Variants in CDK19 observed in about 807,000 individuals in gnomAD.
The protein encoded by CDK19 is cyclin-dependent kinase 19.
CDK19 carries 20 observed loss-of-function variants against 68.3 expected under a neutral mutation model. The ratio of observed to expected loss-of-function variants is 0.29; its 90% CI spans 0.21 to 0.43. The LOEUF is 0.43. CDK19 is among the 20% of genes least tolerant of loss of function. CDK19 has a pLI of 1.00. For missense variants in CDK19, 339 were observed against 623.5 expected, an observed-to-expected ratio of 0.54 and a Z score of 4.86; for synonymous variants, 221 against 222.8, an observed-to-expected ratio of 0.99 and a Z score of 0.07.
chr6:110,802,059 G>T (rs1397402017), intron 1 of CDK19, among the ~76,000 whole-genome samples: 1 of 152,184 alleles, frequency 6.6e-6, no homozygotes, highest in Admixed American at 6.5e-5. Context: ...GAGGAGAAAA[G>T]GGAATGCTTA....
intron 2 of CDK19, among the ~76,000 whole-genome samples, chr6:110,705,637 T>G (rs1387697412): frequency 6.6e-6 from 1 of 152,238 alleles, no homozygotes; most frequent in East Asian, 1.9e-4. Context: ...AAGCGAAGCA[T>G]CCTTCTCTCA....
chr6:110,739,920 G>A (rs2114845081), intron 2 of CDK19, among the ~76,000 whole-genome samples: 1 of 151,958 alleles, frequency 6.6e-6, no homozygotes, highest in Admixed American at 6.6e-5. Flanking sequence ...GATTACAGGT[G>A]GGGGCCACCA....
intron 2 of CDK19, among the ~76,000 whole-genome samples, chr6:110,690,474 G>A (rs1314347951): frequency 6.6e-6 from 1 of 152,188 alleles, no homozygotes; most frequent in Non-Finnish European, 1.5e-5. Flanking sequence ...ACAAGGCTGT[G>A]ACTTCTGCCC....
At chr6:110,738,889 C>T (rs1001086921) in intron 2 of CDK19, among the ~76,000 whole-genome samples, 2 of 152,186 alleles carry the variant, frequency 1.3e-5, no homozygotes, top group African/African-American at 4.8e-5. Flanking sequence ...AGTGCTGCTC[C>T]ACTCCACCCT....
In CDK19 at chr6:110,815,347, T is replaced by G; in HGVS notation, c.-211A>C. On this transcript the variant is annotated 5_prime_UTR_variant, in exon 1 of 13. Coordinates refer to ENST00000368911, the MANE Select transcript of CDK19 (RefSeq NM_015076.5). ...CACCTCCTCCACCTCTTCCTCCTCC[T>G]CCTCCGCGACGGCGGCGGCGGCTCC... 2.3e-5 allele frequency: 9 copies of G among 389,786 alleles called. No individual in the cohort carries two copies. The highest frequency in any genetic ancestry group is 4.4e-5 in the East Asian group (1 of 22,520). 24.1% of individuals were successfully genotyped at this position (389,786 alleles called of 1,614,324 possible).
chr6:110,670,871 T>A (rs902089403), intron 2 of CDK19: 1 of 424,562 alleles, frequency 2.4e-6, no homozygotes, highest in Non-Finnish European at 4.5e-6. Context: ...AAAAGTAATA[T>A]CATATCATTA....
chr6:110,638,432 T>C (rs975827136), intron 5 of CDK19, among the ~76,000 whole-genome samples: 10 of 152,210 alleles, frequency 6.6e-5, no homozygotes. Flanking sequence ...AGCTTGTCAA[T>C]TTCCAGTGAT....
intron 4 of CDK19, among the ~76,000 whole-genome samples, chr6:110,650,937 C>T (rs1780922882): frequency 1.3e-5 from 2 of 152,088 alleles, no homozygotes; most frequent in Non-Finnish European, 2.9e-5. Context: ...GCTACTGCTA[C>T]AAGGTTTGCA....
At position 110,621,248 on chromosome 6, in the gene CDK19, C is replaced by T; in HGVS notation, c.1233G>A (p.Gly411=). The T allele has an allele frequency of 1.9e-6, 3 of 1,613,144 alleles. No homozygotes were observed. The highest frequency in any genetic ancestry group is 1.1e-5 in the South Asian group (1 of 91,020). The change falls in exon 12 of 13, where the codon GGG becomes GGA. Residue 411 remains glycine (G), a synonymous_variant. Transcript: ENST00000368911. This position sits in a 1 kb window ranked among gnomAD's most constrained non-coding sequence, Gnocchi z 5.4. ...NSTQTNGTAG[G]AGAGVGGTGA... ...CGGTGCCCCCGACCCCGGCCCCAGCCCCACCTGCGGTCCCGTTGGTCTGGG... is the reference window on the plus strand; with the variant it reads ...CGGTGCCCCCGACCCCGGCCCCAGCTCCACCTGCGGTCCCGTTGGTCTGGG...
chr6:110,708,667 T>C (rs1241448603), intron 2 of CDK19, among the ~76,000 whole-genome samples: 1 of 152,192 alleles, frequency 6.6e-6, no homozygotes, highest in Non-Finnish European at 1.5e-5. Flanking sequence ...CTACCAAAGC[T>C]CTTCAACATG....
chr6:110,767,923 T>C (rs908813059), intron 1 of CDK19, among the ~76,000 whole-genome samples: 3 of 151,982 alleles, frequency 2.0e-5, no homozygotes, highest in Admixed American at 6.6e-5. Context: ...TGGGAGAAAA[T>C]AATTGCAAAA....
intron 1 of CDK19, among the ~76,000 whole-genome samples, chr6:110,754,826 T>A (rs908804309): frequency 3.3e-5 from 5 of 152,132 alleles, no homozygotes; most frequent in African/African-American, 1.2e-4. Context: ...TGAGAATTCA[T>A]GAATCTTAAG....
chr6:110,663,987 T>C (rs1781767001), intron 4 of CDK19, among the ~76,000 whole-genome samples: 1 of 152,114 alleles, frequency 6.6e-6, no homozygotes, highest in Admixed American at 6.5e-5. Flanking sequence ...GAGGTAATAA[T>C]AATCAGTGGT....
Position 110,612,348 on chromosome 6 carries a change from C to T in CDK19, c.*2187G>A, listed in dbSNP as rs11756279. 2 of 152,596 alleles carry T rather than the reference C, an allele frequency of 1.3e-5. No individual in the cohort carries two copies. Among genetic ancestry groups the T allele is most frequent in the Non-Finnish European group, 2.9e-5 (2 of 68,040 alleles). The allele number at this position is 152,596 out of a possible 1,614,324, so 9.5% of individuals were successfully genotyped here. ...TGTGATATTGAATCACTGGCTTTCT[C>T]TAAGGTAGACTGACATAGAAACCCT... is the stretch of plus-strand genomic sequence containing the variant. On this transcript the variant is annotated 3_prime_UTR_variant, in exon 13 of 13. Coordinates refer to ENST00000368911, the MANE Select transcript of CDK19 (RefSeq NM_015076.5).
intron 4 of CDK19, chr6:110,646,626 G>A (rs1582767948): frequency 3.3e-6 from 2 of 598,102 alleles, no homozygotes; most frequent in Non-Finnish European, 5.3e-6. Context: ...ATTCGGAAAA[G>A]ACAAAGTTAG....
intron 1 of CDK19, among the ~76,000 whole-genome samples, chr6:110,792,758 A>G (rs922070396): frequency 1.3e-5 from 2 of 152,208 alleles, no homozygotes; most frequent in Non-Finnish European, 2.9e-5. Flanking sequence ...AACCAGATTA[A>G]TCCTCACTCT....
chr6:110,756,327 T>C (rs1005206745), intron 1 of CDK19, among the ~76,000 whole-genome samples: 3 of 151,546 alleles, frequency 2.0e-5, no homozygotes, highest in Admixed American at 1.3e-4. Flanking sequence ...GAGGCAGAGG[T>C]TGCAATGAGC....
At chr6:110,645,657 C>A (rs1388203108) in intron 4 of CDK19, 3 of 323,938 alleles carry the variant, frequency 9.3e-6, no homozygotes, top group African/African-American at 2.2e-5. Flanking sequence ...GCCCAGAAAT[C>A]CAGGGGTGGA....
At chr6:110,635,551 C>T (rs184226108) in intron 5 of CDK19, among the ~76,000 whole-genome samples, 33 of 152,166 alleles carry the variant, frequency 2.2e-4, no homozygotes, top group Middle Eastern at 3.4e-3. Flanking sequence ...CCTCCCCCAC[C>T]GCCTCCCATA....
Sources: allele counts gnomAD v4.1 joint callset (sites outside exome capture counted in the v4.1 genomes callset), GRCh38; gene constraint gnomAD v4.1.1; non-coding constraint Gnocchi (gnomAD v3.1); transcripts MANE v1.5; gene names NCBI Gene and HGNC (gene_info 2026-07-23, HGNC 2026-07-21).